The following TULP4 variants were observed in gnomAD, a reference collection of about 807,000 sequenced individuals.
The protein encoded by TULP4 is tubby-related protein 4.
TULP4 carries 16 observed loss-of-function variants against 129.0 expected under a neutral mutation model. The observed-to-expected ratio is 0.12, with a 90% confidence interval of 0.08 to 0.19. The LOEUF is 0.19. Ranked by LOEUF, TULP4 falls within the 10% of genes least tolerant of loss-of-function variation. The pLI is 1.00. For missense variants in TULP4, 1,842 were observed against 2,059.1 expected (o/e 0.89, Z 2.04); for synonymous variants, 998 against 854.0 (o/e 1.17, Z -2.94).
chr6:158,470,120 C>T (rs1779645508), intron 6 of TULP4, among the ~76,000 whole-genome samples: 1 of 152,186 alleles, frequency 6.6e-6, no homozygotes. Context: ...GTCACTTAGC[C>T]GTGCAGGAAC....
intron 2 of TULP4, among the ~76,000 whole-genome samples, chr6:158,415,072 A>G (rs1778177031): frequency 6.6e-6 from 1 of 152,228 alleles, no homozygotes; most frequent in Non-Finnish European, 1.5e-5. Flanking sequence ...GTGTAGTTAC[A>G]TGCTGCATAA....
chr6:158,503,147 G>A lies in TULP4; in HGVS notation c.3484G>A (p.Asp1162Asn). ...SLMLSQGQHLDVSRLPFISPK... is the reference protein window; with the variant it reads ...SLMLSQGQHLNVSRLPFISPK... ...GATGCTGAGTCAGGGCCAGCACCTGGACGTGTCCCGACTGCCCTTCATCTC... is the reference window on the plus strand; with the variant it reads ...GATGCTGAGTCAGGGCCAGCACCTGAACGTGTCCCGACTGCCCTTCATCTC... Residue 1162 changes from aspartate (D) to asparagine (N), a missense_variant, in exon 13 of 14, where the codon GAC (aspartate) becomes AAC (asparagine). Asp to Asn is a conservative substitution (Grantham distance 23). This residue lies in a region of TULP4 where 1,089 missense variants were observed against 987.1 expected (regional missense o/e 1.10). Transcript: ENST00000367097. The surrounding 1 kb of genome is among the most constrained non-coding windows in gnomAD (Gnocchi z 4.3). The A allele has an allele frequency of 1.2e-6, 2 of 1,613,514 alleles. No individual in the cohort carries two copies. Among genetic ancestry groups the A allele is most frequent in the Non-Finnish European group, 1.7e-6 (2 of 1,179,628 alleles).
chr6:158,445,875 C>T lies in TULP4; in HGVS notation c.544-3121C>T, dbSNP rs1779026197. Among the ~76,000 whole-genome samples, 10 of 152,084 alleles carry T rather than the reference C, an allele frequency of 6.6e-5. No homozygotes were observed. In the South Asian group the frequency reaches 2.1e-3, roughly 32 times the overall value. On this transcript the variant is annotated intron_variant, in intron 3 of 13. Transcript: ENST00000367097. ...CTGGGGCTCAGGACAGAGGCCTGGG[C>T]AGGGAGTCAGCTATGAATGGGATCC...
intron 12 of TULP4, among the ~76,000 whole-genome samples, chr6:158,499,940 A>G (rs930285184): frequency 6.6e-6 from 1 of 152,188 alleles, no homozygotes. Context: ...CAAATCTCCT[A>G]GGCTTATGTG....
In TULP4 at chr6:158,509,424, G is replaced by C. The variant is rs545602424; in HGVS notation, c.*2730G>C. 2.8e-4 allele frequency: 43 copies of C among 152,164 alleles called. No homozygotes were observed. Among genetic ancestry groups the C allele is most frequent in the African/African-American group, 1.0e-3 (42 of 41,508 alleles). The allele number at this position is 152,164 out of a possible 1,614,324, so 9.4% of individuals were successfully genotyped here. On this transcript the variant is annotated 3_prime_UTR_variant, in exon 14 of 14. Transcript: ENST00000367097. ...ACCTATTAGAATGAGAGTAGCCAAG[G>C]AAAGAGTTACTAGGTAATAAGCTTC...
intron 3 of TULP4, chr6:158,438,118 G>A (rs928256854): frequency 6.6e-6 from 1 of 152,122 alleles, no homozygotes; most frequent in African/African-American, 2.4e-5. Flanking sequence ...TGACTCTGTA[G>A]GGATTATTAA....
intron 1 of TULP4, among the ~76,000 whole-genome samples, chr6:158,361,869 G>A (rs1377705807): frequency 6.6e-6 from 1 of 152,146 alleles, no homozygotes; most frequent in Non-Finnish European, 1.5e-5. Flanking sequence ...CTGGGTTTTA[G>A]AGGTTAGCTT....
chr6:158,369,430 T>A (rs1777022395), intron 1 of TULP4, among the ~76,000 whole-genome samples: 1 of 152,190 alleles, frequency 6.6e-6, no homozygotes, highest in Admixed American at 6.5e-5. Flanking sequence ...GCCAGGGACA[T>A]CACGGCTGAA....
chr6:158,390,411 A>T (rs115858037), intron 1 of TULP4, among the ~76,000 whole-genome samples: 2 of 152,168 alleles, frequency 1.3e-5, no homozygotes, highest in South Asian at 2.1e-4. Context: ...GAATGGATAT[A>T]TCATTATTTA....
intron 1 of TULP4, among the ~76,000 whole-genome samples, chr6:158,393,738 C>G (rs896327270): frequency 6.6e-6 from 1 of 152,302 alleles, no homozygotes; most frequent in Non-Finnish European, 1.5e-5. Flanking sequence ...CAGCAGGGAC[C>G]CTGGGCCCAG....
upstream of TULP4, among the ~76,000 whole-genome samples, chr6:158,307,513 T>G (rs1779236534): frequency 6.6e-6 from 1 of 152,230 alleles, no homozygotes; most frequent in Non-Finnish European, 1.5e-5. Flanking sequence ...AGACGGAGTC[T>G]CACTGTCACC....
upstream of TULP4, among the ~76,000 whole-genome samples, chr6:158,280,126 G>A (rs1310955349): frequency 2.0e-5 from 3 of 152,178 alleles, no homozygotes; most frequent in Non-Finnish European, 2.9e-5. Flanking sequence ...CAACGTGAAT[G>A]TTGAGAGTTG....
intron 1 of TULP4, among the ~76,000 whole-genome samples, chr6:158,360,846 G>A (rs1163190875): frequency 6.6e-6 from 1 of 152,144 alleles, no homozygotes; most frequent in East Asian, 1.9e-4. Flanking sequence ...TCAGAAAATA[G>A]CCTGTTACTA....
chr6:158,260,607 A>G (rs1483668754), intron 1 of TULP4, among the ~76,000 whole-genome samples: 1 of 151,086 alleles, frequency 6.6e-6, no homozygotes. Flanking sequence ...ATTAGTGTTT[A>G]AGCCTTCTGC....
chr6:158,294,020 A>G (rs1778987897), intron 1 of TULP4, among the ~76,000 whole-genome samples: 2 of 152,160 alleles, frequency 1.3e-5, no homozygotes, highest in South Asian at 4.1e-4. Flanking sequence ...CTCAGTGAAT[A>G]TTTGTAGGTT....
chr6:158,297,940 C>T (rs1439420316), intron 1 of TULP4, among the ~76,000 whole-genome samples: 1 of 152,164 alleles, frequency 6.6e-6, no homozygotes, highest in East Asian at 1.9e-4. Context: ...GTCCTTATCT[C>T]AACCGCATAA....
At chr6:158,296,196 C>T (rs1438411139) in intron 1 of TULP4, among the ~76,000 whole-genome samples, 1 of 151,776 alleles carries the variant, frequency 6.6e-6, no homozygotes, top group Non-Finnish European at 1.5e-5. Flanking sequence ...TTTCCCTTTC[C>T]CTTCCCATTC....
chr6:158,427,470 CCTTTTTTTTTTTTT>C (rs1778523646), intron 2 of TULP4, among the ~76,000 whole-genome samples: 1 of 100,678 alleles, frequency 9.9e-6, no homozygotes, highest in Non-Finnish European at 1.9e-5. Flanking sequence ...AATTATCAGA[CCTTTTTTTTTTTTT>C]TTTTTTTTTT....
intron 2 of TULP4, among the ~76,000 whole-genome samples, chr6:158,416,862 T>C (rs1451736980): frequency 1.3e-5 from 2 of 152,258 alleles, no homozygotes; most frequent in African/African-American, 2.4e-5. Flanking sequence ...TACTGTATGT[T>C]GTCTATGTTT....
Sources: allele counts gnomAD v4.1 joint callset (sites outside exome capture counted in the v4.1 genomes callset), GRCh38; gene constraint gnomAD v4.1.1; regional missense constraint gnomAD v4.1.1; non-coding constraint Gnocchi (gnomAD v3.1); transcripts MANE v1.5; gene names NCBI Gene and HGNC (gene_info 2026-07-23, HGNC 2026-07-21).